The following C12orf42 variants were observed in gnomAD, a reference collection of about 807,000 sequenced individuals.
C12orf42 encodes the protein chromosome 12 open reading frame 42.
C12orf42 carries 25 observed loss-of-function variants against 21.6 expected under a neutral mutation model. That is an observed-to-expected ratio of 1.16 (90% CI 0.84 to 1.62). The LOEUF is 1.62. Among genes scored for constraint, C12orf42 ranks in the 40% most tolerant of loss-of-function variants. The pLI is 0.00. For missense variants in C12orf42, 483 were observed against 459.3 expected (o/e 1.05, Z -0.47); for synonymous variants, 174 against 175.0 (o/e 0.99, Z 0.05).
intron 4 of C12orf42, among the ~76,000 whole-genome samples, chr12:103,336,439 C>T (rs1460430113): frequency 1.3e-5 from 2 of 152,198 alleles, no homozygotes; most frequent in Non-Finnish European, 2.9e-5. Flanking sequence ...CTAGCTCTCT[C>T]TTCATCCCTC....
At chr12:103,142,647 T>C in the C12orf42 span, among the ~76,000 whole-genome samples, 3 of 152,162 alleles carry the variant, frequency 2.0e-5, no homozygotes, top group Non-Finnish European at 4.4e-5. Context: ...CAGTTTTTAT[T>C]CTGTGATTGG....
At chr12:103,226,806 G>C in the C12orf42 span, among the ~76,000 whole-genome samples, 265 of 152,282 alleles carry the variant, frequency 1.7e-3, no homozygotes, top group African/African-American at 6.2e-3. Context: ...GACGCTTGTG[G>C]TTGGTACTGA....
the C12orf42 span, among the ~76,000 whole-genome samples, chr12:103,207,709 A>G: frequency 1.3e-5 from 2 of 152,228 alleles, no homozygotes; most frequent in Non-Finnish European, 2.9e-5. Context: ...GAAAATTGCC[A>G]GTGACTGCTA....
At chr12:103,116,381 A>AAAAATATATATAT in the C12orf42 span, among the ~76,000 whole-genome samples, 13 of 136,696 alleles carry the variant, frequency 9.5e-5, no homozygotes, top group African/African-American at 3.6e-4. Flanking sequence ...AAAAAAAAAA[A>AAAAATATATATAT]ATATATATAT....
At chr12:103,485,928 T>C (rs1194627002) in intron 1 of C12orf42, among the ~76,000 whole-genome samples, 1 of 152,202 alleles carries the variant, frequency 6.6e-6, no homozygotes. Flanking sequence ...ACAGGGACAA[T>C]TTGACTTCCT....
chr12:103,332,641 A>G (rs972663981), intron 4 of C12orf42, among the ~76,000 whole-genome samples: 9 of 152,254 alleles, frequency 5.9e-5, no homozygotes, highest in Non-Finnish European at 1.3e-4. Flanking sequence ...TTGTCTGCCA[A>G]TGTATCCTCA....
chr12:103,488,118 G>T (rs1954957544), intron 1 of C12orf42, among the ~76,000 whole-genome samples: 2 of 152,146 alleles, frequency 1.3e-5, no homozygotes, highest in South Asian at 4.1e-4. Flanking sequence ...CATGTATAGT[G>T]CTTCTTTCAG....
chr12:103,225,531 G>A, the C12orf42 span, among the ~76,000 whole-genome samples: 5 of 151,960 alleles, frequency 3.3e-5, no homozygotes, highest in Non-Finnish European at 7.4e-5. Flanking sequence ...GGTTAAGGTG[G>A]GGGGATACAA....
intron 2 of C12orf42, among the ~76,000 whole-genome samples, chr12:103,474,103 A>G (rs1448769743): frequency 6.6e-6 from 1 of 152,242 alleles, no homozygotes; most frequent in African/African-American, 2.4e-5. Flanking sequence ...AAGTGGAAAA[A>G]GCTCAATGGG....
intron 3 of C12orf42, among the ~76,000 whole-genome samples, chr12:103,396,974 G>C (rs948395407): frequency 1.3e-5 from 2 of 152,184 alleles, no homozygotes; most frequent in African/African-American, 4.8e-5. Flanking sequence ...CTTCAATCCA[G>C]CTTTGACCTG....
At chr12:103,315,989 C>T (rs756190091) in intron 4 of C12orf42, among the ~76,000 whole-genome samples, 1 of 150,410 alleles carries the variant, frequency 6.6e-6, no homozygotes, top group Non-Finnish European at 1.5e-5. Flanking sequence ...TATATATATA[C>T]ACACACACAG....
the C12orf42 span, chr12:103,557,933 A>C: frequency 6.6e-6 from 1 of 152,240 alleles, no homozygotes; most frequent in Non-Finnish European, 1.5e-5. Flanking sequence ...AAAATGATTG[A>C]AAATGTTAAA....
chr12:103,304,992 A>G (rs1006135879), intron 5 of C12orf42, among the ~76,000 whole-genome samples: 1 of 152,216 alleles, frequency 6.6e-6, no homozygotes, highest in African/African-American at 2.4e-5. Flanking sequence ...GTCCCTATAA[A>G]GCAGGGGTGT....
the C12orf42 span, among the ~76,000 whole-genome samples, chr12:103,206,741 CT>C: frequency 6.6e-6 from 1 of 152,068 alleles, no homozygotes. Flanking sequence ...TTTTTTCCTT[CT>C]TTTTCCACAA....
At chr12:103,304,720 G>C (rs772928937) in intron 5 of C12orf42, among the ~76,000 whole-genome samples, 2 of 152,180 alleles carry the variant, frequency 1.3e-5, no homozygotes, top group Non-Finnish European at 2.9e-5. Flanking sequence ...CTTGTTCATA[G>C]TAAGAATTCA....
intron 10 of C12orf42, among the ~76,000 whole-genome samples, chr12:103,242,905 A>C (rs1037158281): frequency 5.3e-4 from 81 of 152,144 alleles, no homozygotes; most frequent in African/African-American, 1.6e-3. Flanking sequence ...TTCCACTTAA[A>C]TCCAATTTTC....
chr12:103,523,035 T>C, the C12orf42 span, among the ~76,000 whole-genome samples: 1 of 152,196 alleles, frequency 6.6e-6, no homozygotes, highest in Non-Finnish European at 1.5e-5. Flanking sequence ...AATCCCAAGA[T>C]TGAATGATGT....
intron 10 of C12orf42, among the ~76,000 whole-genome samples, chr12:103,249,857 T>C (rs1315917184): frequency 6.6e-6 from 1 of 152,100 alleles, no homozygotes; most frequent in East Asian, 1.9e-4. Flanking sequence ...TTAGATTTTC[T>C]AACCTTCCAG....
the C12orf42 span, among the ~76,000 whole-genome samples, chr12:103,204,938 AAAAAAGGGCAAAAACAGCCTCCTCTAC>A: frequency 7.1e-6 from 1 of 141,302 alleles, no homozygotes; most frequent in African/African-American, 2.5e-5. Context: ...GAGAAAGTTA[AAAAAAGGGCAAAAACAGCCTCCTCTAC>A]AAAAAGGAAA....
Sources: allele counts gnomAD v4.1 joint callset (sites outside exome capture counted in the v4.1 genomes callset), GRCh38; gene constraint gnomAD v4.1.1; transcripts MANE v1.5; gene names NCBI Gene and HGNC (gene_info 2026-07-23, HGNC 2026-07-21).